NKAIN3: variants seen among roughly 807,000 people sequenced by gnomAD.
The protein encoded by NKAIN3 is sodium/potassium transporting ATPase interacting 3.
In NKAIN3, 25 loss-of-function variants were observed where a neutral mutation model predicts 30.2. The observed-to-expected ratio is 0.83, with a 90% CI of 0.60 to 1.16. The LOEUF (loss-of-function observed/expected upper bound fraction) is 1.16. Among genes scored for constraint, NKAIN3 ranks in the 50% most tolerant of loss-of-function variants. The probability of loss-of-function intolerance (pLI) is 0.00; values close to 1 mark genes in which losing one functional copy is unlikely to be tolerated. For missense variants in NKAIN3, 225 were observed against 254.1 expected (o/e 0.89, Z 0.78); for synonymous variants, 91 against 89.6 (o/e 1.02, Z -0.09).
At chr8:62,354,752 T>G (rs1469697161) in intron 1 of NKAIN3, among the ~76,000 whole-genome samples, 3 of 152,182 alleles carry the variant, frequency 2.0e-5, no homozygotes, top group African/African-American at 7.2e-5. Context: ...CGACAGTTTC[T>G]TATACACGGA....
chr8:62,946,928 C>T (rs773700080), intron 5 of NKAIN3, among the ~76,000 whole-genome samples: 30 of 152,142 alleles, frequency 2.0e-4, no homozygotes, highest in African/African-American at 5.3e-4. Context: ...CAAAACAAAA[C>T]GCCTACGTTC....
rs569434481 is a variant in NKAIN3 at position 62,973,131 on chromosome 8, T to C, written c.*7724T>C. 6.6e-6 allele frequency among the ~76,000 whole-genome samples: 1 copy of C among 152,228 alleles called. No homozygotes were observed. The highest frequency in any genetic ancestry group is 2.1e-4 in the South Asian group (1 of 4,830). On this transcript the variant is annotated 3_prime_UTR_variant, in exon 7 of 7. Coordinates refer to ENST00000623646, the MANE Select transcript of NKAIN3 (RefSeq NM_001304533.3). ...ATTGTGAATAGTGCTGCAATAAACA[T>C]AGGAGTGCATGTGTCATTATAGTAG...
intron 4 of NKAIN3, chr8:62,855,673 G>T: frequency 6.2e-7 from 1 of 1,603,924 alleles, no homozygotes; most frequent in Non-Finnish European, 8.5e-7. Context: ...GCAGCCCAGG[G>T]TTCTCAAAGC....
Position 62,980,477 on chromosome 8 carries a change from T to C in NKAIN3, c.*15070T>C, listed in dbSNP as rs1406754406. 3 of 152,220 alleles carry C rather than the reference T, an allele frequency of 2.0e-5. No homozygotes were observed. Among genetic ancestry groups the C allele is most frequent in the Non-Finnish European group, 4.4e-5 (3 of 68,038 alleles). 9.4% of individuals were successfully genotyped at this position (152,220 alleles called of 1,614,324 possible). On this transcript the variant is annotated 3_prime_UTR_variant, in exon 7 of 7. Transcript: ENST00000623646. Reference sequence around the variant, plus strand: ...TGTATTCAGATAATGATAATACAAATAAGAGTACGACATACGTAAATGTTG... The same window carrying C: ...TGTATTCAGATAATGATAATACAAACAAGAGTACGACATACGTAAATGTTG...
intron 1 of NKAIN3, chr8:62,344,890 C>G: frequency 2.4e-6 from 1 of 418,198 alleles, no homozygotes; most frequent in South Asian, 1.8e-5. Context: ...TGTTAGATAA[C>G]TTTGAGTAGC....
intron 5 of NKAIN3, among the ~76,000 whole-genome samples, chr8:62,947,663 A>G (rs1436352152): frequency 3.9e-5 from 6 of 152,152 alleles, no homozygotes; most frequent in African/African-American, 1.4e-4. Context: ...CAGATCATAG[A>G]AGGCGACACA....
chr8:62,826,206 A>T (rs1315485751), intron 4 of NKAIN3, among the ~76,000 whole-genome samples: 1 of 152,150 alleles, frequency 6.6e-6, no homozygotes, highest in Non-Finnish European at 1.5e-5. Flanking sequence ...TGGAAATACC[A>T]TGAAGGCAAT....
intron 1 of NKAIN3, among the ~76,000 whole-genome samples, chr8:62,457,996 G>A (rs765269023): frequency 1.2e-4 from 18 of 152,126 alleles, no homozygotes; most frequent in Non-Finnish European, 2.2e-4. Context: ...TTGATTCTAT[G>A]CATAGGTAGG....
intron 3 of NKAIN3, among the ~76,000 whole-genome samples, chr8:62,666,238 C>A (rs13282672): frequency 0.37 from 55,419 of 150,914 alleles, 11,387 homozygotes; most frequent in Non-Finnish European, 0.47. Flanking sequence ...TTAATTAATT[C>A]ATTCATTCAT....
chr8:62,564,523 A>G (rs1304604001), intron 1 of NKAIN3, among the ~76,000 whole-genome samples: 2 of 152,156 alleles, frequency 1.3e-5, no homozygotes, highest in African/African-American at 2.4e-5. Flanking sequence ...AACCACGTGC[A>G]TCTTGCTTTT....
intron 4 of NKAIN3, among the ~76,000 whole-genome samples, chr8:62,801,496 C>A (rs1818061668): frequency 6.6e-6 from 1 of 152,312 alleles, no homozygotes; most frequent in East Asian, 1.9e-4. Context: ...GCTGCTGATA[C>A]CCAGGCAAAC....
chr8:62,594,763 TTTTC>T (rs1035220570), intron 3 of NKAIN3, among the ~76,000 whole-genome samples: 10 of 151,916 alleles, frequency 6.6e-5, no homozygotes, highest in African/African-American at 2.2e-4. Flanking sequence ...TTAGATTTTG[TTTTC>T]TTTCTTTCTT....
chr8:62,870,735 A>C (rs982235482), intron 4 of NKAIN3, among the ~76,000 whole-genome samples: 2 of 140,640 alleles, frequency 1.4e-5, no homozygotes, highest in African/African-American at 2.8e-5. Flanking sequence ...CTATATATCT[A>C]TATATATCTA....
At chr8:62,346,128 C>A (rs1490394342) in intron 1 of NKAIN3, among the ~76,000 whole-genome samples, 2 of 151,776 alleles carry the variant, frequency 1.3e-5, no homozygotes, top group Non-Finnish European at 2.9e-5. Context: ...TTATGGTTAG[C>A]CAGGAAGAAT....
intron 4 of NKAIN3, among the ~76,000 whole-genome samples, chr8:62,819,286 A>T (rs1818781576): frequency 6.6e-6 from 1 of 151,718 alleles, no homozygotes; most frequent in Non-Finnish European, 1.5e-5. Flanking sequence ...CTTGCCATAA[A>T]ATGCTCTAGA....
chr8:62,785,049 G>A (rs1817470625), intron 4 of NKAIN3, among the ~76,000 whole-genome samples: 1 of 152,106 alleles, frequency 6.6e-6, no homozygotes, highest in South Asian at 2.1e-4. Context: ...AAAACAGTCT[G>A]ACAGTTTCTC....
intron 1 of NKAIN3, among the ~76,000 whole-genome samples, chr8:62,578,254 A>G (rs1290965673): frequency 1.3e-5 from 2 of 152,144 alleles, no homozygotes; most frequent in African/African-American, 4.8e-5. Flanking sequence ...TCACTGGACC[A>G]TATGAAATGC....
chr8:62,372,172 C>T (rs1816931717), intron 1 of NKAIN3, among the ~76,000 whole-genome samples: 1 of 151,650 alleles, frequency 6.6e-6, no homozygotes, highest in African/African-American at 2.4e-5. Context: ...AGGACTGAAA[C>T]ATGAATCTTT....
Position 62,723,016 on chromosome 8 carries a change from G to A in NKAIN3, c.274-23916G>A, listed in dbSNP as rs539390430. On this transcript the variant is annotated intron_variant, in intron 3 of 6. Coordinates refer to ENST00000623646, the MANE Select transcript of NKAIN3 (RefSeq NM_001304533.3). ...TTCAACTTTGCAATTAATCAGAACT[G>A]TTTCCAGCCTTGGTAATTATTTCAG... Among the ~76,000 whole-genome samples, 3 of 152,218 alleles carry A rather than the reference G, an allele frequency of 2.0e-5. No individual in the cohort carries two copies. In the East Asian group the frequency reaches 5.8e-4, roughly 29 times the overall value.
Sources: gnomAD v4.1 joint callset for allele counts (sites outside exome capture counted in the v4.1 genomes callset) on GRCh38, gnomAD v4.1.1 for gene constraint, MANE v1.5 for transcripts, NCBI Gene and HGNC (gene_info 2026-07-23, HGNC 2026-07-21) for gene names.